The following NOP2 variants were observed in gnomAD, a reference collection of about 807,000 sequenced individuals.
NOP2 encodes NOP2 nucleolar protein.
A neutral mutation model predicts 72.7 loss-of-function variants in NOP2; 7 were observed. The ratio of observed to expected loss-of-function variants is 0.10; its 90% CI spans 0.05 to 0.18. The LOEUF is 0.18. Ranked by LOEUF, NOP2 falls within the 10% of genes least tolerant of loss-of-function variation. The pLI is 1.00. For missense variants in NOP2, 954 were observed against 1,014.7 expected (o/e 0.94, Z 0.81); for synonymous variants, 387 against 388.0 (o/e 1.00, Z 0.03).
rs1392504409 is a variant in NOP2, at chr12:6,561,887, T to C, written c.1063A>G (p.Ile355Val). Reference sequence around the variant, plus strand: ...CTCTTGGGTGGGGGAGACTTACCAATGGGCACAGAAGAATCATACACCACT... The same window carrying C: ...CTCTTGGGTGGGGGAGACTTACCAACGGGCACAGAAGAATCATACACCACT... ...GLVVYDSSVP[I>V]GATPEYLAGH... is the part of the protein sequence containing the mutation. Residue 355 changes from isoleucine (I) to valine (V), a missense_variant, in exon 10 of 16, where the codon ATT (isoleucine) becomes GTT (valine). Ile to Val is a conservative substitution (Grantham distance 29). Coordinates refer to ENST00000322166, the MANE Select transcript of NOP2 (RefSeq NM_001258308.2). 5.6e-6 allele frequency: 9 copies of C among 1,610,834 alleles called. No individual in the cohort carries two copies. Among genetic ancestry groups the C allele is most frequent in the Non-Finnish European group, 6.8e-6 (8 of 1,178,712 alleles).
At position 6,566,203 on chromosome 12, in the gene NOP2, A is replaced by C. The variant is rs1947775403; in HGVS notation, c.372T>G (p.Gly124=). 3 of 1,613,962 alleles carry C rather than the reference A, an allele frequency of 1.9e-6. No homozygotes were observed. The highest frequency in any genetic ancestry group is 2.5e-6 in the Non-Finnish European group (3 of 1,179,866). The change falls in exon 5 of 16, where the codon GGT becomes GGG. Residue 124 remains glycine (G), a synonymous_variant. Transcript: ENST00000322166. The stretch of plus-strand genomic sequence containing the variant: ...CCCAGAGGTCCCCGTGGTTCACCAT[A>C]CCATCTTCTTCAGAGTCTTCCTCCT... ...EEEEEDSEED[G]MVNHGDLWGS...
In NOP2 at chr12:6,563,367, G is replaced by A. The variant is rs374821153; in HGVS notation, c.836C>T (p.Ser279Phe). Residue 279 changes from serine to phenylalanine, a missense_variant, in exon 8 of 16, where the codon TCC becomes TTC. Ser to Phe is a radical substitution (Grantham distance 155, BLOSUM62 -2). Transcript: ENST00000322166. The part of the protein sequence containing the change: ...RLKKDLAIYY[S>F]YGDFLLGKLM... ...CTTGCCAAGCAGGAAGTCTCCATAG[G>A]AGTAGTAAATGGCCAGATCCTTCTT... 24 of 1,603,944 alleles carry A rather than the reference G, an allele frequency of 1.5e-5. No individual in the cohort carries two copies. The Admixed American group carries it at 1.9e-4, about 13-fold the overall frequency.
chr12:6,559,397 G>T (rs1188805670), intron 15 of NOP2, among the ~76,000 whole-genome samples: 1 of 152,184 alleles, frequency 6.6e-6, no homozygotes, highest in East Asian at 1.9e-4. Context: ...GGGATTACAG[G>T]CGTGAGCCAC....
Position 6,556,924 on chromosome 12 carries a change from A to G in NOP2, c.*69T>C. On this transcript the variant is annotated 3_prime_UTR_variant, in exon 16 of 16. Coordinates refer to ENST00000322166, the MANE Select transcript of NOP2 (RefSeq NM_001258308.2). ...CATGGGTATGCACAGTAGAGAAGGC[A>G]TCCTCACAGAGGCAAGAGTTCCAAC... 6.4e-7 allele frequency: 1 copy of G among 1,563,642 alleles called. No individual in the cohort carries two copies. Among genetic ancestry groups the G allele is most frequent in the South Asian group, 1.1e-5 (1 of 88,472 alleles).
In NOP2 at chr12:6,561,062, T is replaced by A. The variant is rs779966500; in HGVS notation, c.1216A>T (p.Met406Leu). ...GGKTSYMAQL[M>L]KNTGVILAND... ...GCAAGGATCACACCCGTGTTCTTCATCAGCTGGGCTAAAGAGAGGGCAGTA... is the reference window on the plus strand; with the variant it reads ...GCAAGGATCACACCCGTGTTCTTCAACAGCTGGGCTAAAGAGAGGGCAGTA... The change falls in exon 12 of 16, where the codon ATG becomes TTG. Residue 406 changes from methionine to leucine, a missense_variant. This residue lies in a region of NOP2 where 187 missense variants were observed against 276.2 expected (regional missense o/e 0.68). Transcript: ENST00000322166. The A allele has an allele frequency of 6.2e-7, 1 of 1,613,976 alleles. No homozygotes were observed. The highest frequency in any genetic ancestry group is 8.5e-7 in the Non-Finnish European group (1 of 1,179,876).
intron 15 of NOP2, among the ~76,000 whole-genome samples, chr12:6,559,466 G>A (rs1448557045): frequency 6.6e-6 from 1 of 152,088 alleles, no homozygotes; most frequent in Non-Finnish European, 1.5e-5. Flanking sequence ...GTTTCACCGT[G>A]TCGAATTCCT....
At chr12:6,562,176 G>A (rs1947669885) in intron 9 of NOP2, among the ~76,000 whole-genome samples, 1 of 151,874 alleles carries the variant, frequency 6.6e-6, no homozygotes, top group Admixed American at 6.6e-5. Flanking sequence ...TTTTTCATAG[G>A]ATGGGGTTTC....
At position 6,557,511 on chromosome 12, in the gene NOP2, G is replaced by A. The variant is rs1299807141; in HGVS notation, c.1921C>T (p.His641Tyr). The part of the protein sequence containing the change: ...KTKQQLQKQQ[H>Y]PKKASFQKLN... The stretch of plus-strand genomic sequence containing the variant: ...TTCTGGAAGGAGGCCTTCTTGGGAT[G>A]TTGCTGTTTCTGCAGCTGCTGCTTT... The change falls in exon 16 of 16, where the codon CAT becomes TAT. Residue 641 changes from histidine to tyrosine, a missense_variant. By Grantham distance (83) the His-to-Tyr change is moderately conservative (BLOSUM62 2). Coordinates refer to ENST00000322166, the MANE Select transcript of NOP2 (RefSeq NM_001258308.2). 6 of 1,613,834 alleles carry A rather than the reference G, an allele frequency of 3.7e-6. No individual in the cohort carries two copies. The highest frequency in any genetic ancestry group is 3.4e-6 in the Non-Finnish European group (4 of 1,179,888).
intron 5 of NOP2, 153 bp from the exon 6 acceptor site, chr12:6,564,099 G>GC (rs1947717578): frequency 6.6e-7 from 1 of 1,516,168 alleles, no homozygotes; most frequent in Non-Finnish European, 8.8e-7. Flanking sequence ...TAAGATGGGC[G>GC]CAGCATTGCT....
chr12:6,560,608 G>C lies in NOP2; in HGVS notation c.1438-39C>G, dbSNP rs754553391. The C allele has an allele frequency of 6.2e-7, 1 of 1,603,846 alleles. No individual in the cohort carries two copies. The highest frequency in any genetic ancestry group is 1.3e-5 in the African/African-American group (1 of 74,576). ...AGACCCAAAGGCAGCCTCAGGAGGAGAGGGGAGCCCAGAGGGTGTCCCCAT... is the reference window on the plus strand; with the variant it reads ...AGACCCAAAGGCAGCCTCAGGAGGACAGGGGAGCCCAGAGGGTGTCCCCAT... On this transcript the variant is annotated intron_variant, in intron 13 of 15. Coordinates refer to ENST00000322166, the MANE Select transcript of NOP2 (RefSeq NM_001258308.2). The surrounding 1 kb of genome is among the most constrained non-coding windows in gnomAD (Gnocchi z 5.0).
intron 2 of NOP2, 63 bp downstream of exon 2, chr12:6,567,753 A>T: frequency 8.1e-7 from 1 of 1,240,444 alleles, no homozygotes; most frequent in Non-Finnish European, 1.2e-6. Context: ...TAAAAAAGAG[A>T]AGAGGTTATA....
At chr12:6,566,718 T>C in intron 3 of NOP2, 59 bp downstream of exon 3, 1 of 1,595,266 alleles carries the variant, frequency 6.3e-7, no homozygotes, top group Non-Finnish European at 8.6e-7. Context: ...GAATTAACTC[T>C]GTGGTCAAAG....
At chr12:6,566,930 C>A in intron 2 of NOP2, 108 bp from the exon 3 acceptor site, 1 of 852,488 alleles carries the variant, frequency 1.2e-6, no homozygotes. Context: ...TAAAAGGAGT[C>A]CATTTAAATC....
At chr12:6,564,135 C>T (rs1469846354) in intron 5 of NOP2, 189 bp from the exon 6 acceptor site, 1 of 1,474,050 alleles carries the variant, frequency 6.8e-7, no homozygotes, top group Non-Finnish European at 9.0e-7. Flanking sequence ...GTAATGAGGG[C>T]ATGGTGGCAC....
In NOP2 at chr12:6,563,966, AT is replaced by A; in HGVS notation, c.475-21del. The stretch of plus-strand genomic sequence containing the variant: ...CAGCAACTGAAGAGAGACAAGGGCT[AT>A]TAATACAGGCCTGCCCTTCCATCAG... On this transcript the variant is annotated intron_variant, in intron 5 of 15. Coordinates refer to ENST00000322166, the MANE Select transcript of NOP2 (RefSeq NM_001258308.2). 6.2e-7 allele frequency: 1 copy of A among 1,611,338 alleles called. No individual in the cohort carries two copies. Among genetic ancestry groups the A allele is most frequent in the Non-Finnish European group, 8.5e-7 (1 of 1,178,746 alleles).
Position 6,560,932 on chromosome 12 carries a change from T to A in NOP2, c.1346A>T (p.Lys449Met). The A allele has an allele frequency of 6.2e-7, 1 of 1,613,844 alleles. No individual in the cohort carries two copies. The highest frequency in any genetic ancestry group is 8.5e-7 in the Non-Finnish European group (1 of 1,179,822). ...ISHYDGRQFP[K>M]VVGGFDRVLL... ...GAAGACACACAGCTCGAGTCTCACC[T>A]TGGGGAACTGGCGCCCATCATAGTG... The change falls in exon 12 of 16, where the codon AAG (lysine) becomes ATG (methionine). Residue 449 changes from lysine (K) to methionine (M), a missense_variant and splice_region_variant. By Grantham distance (95) the Lys-to-Met change is moderately conservative. Transcript: ENST00000322166. This position sits in a 1 kb window ranked among gnomAD's most constrained non-coding sequence, Gnocchi z 5.0.
chr12:6,562,832 G>C (rs1374103051), intron 9 of NOP2, among the ~76,000 whole-genome samples: 4 of 152,040 alleles, frequency 2.6e-5, no homozygotes, highest in African/African-American at 9.7e-5. Flanking sequence ...ATTTCCTTGG[G>C]GGCAGCACGC....
chr12:6,567,837 G>C lies in NOP2; in HGVS notation c.82C>G (p.Leu28Val). ...TTACCTGCAGGCAAGAATCTGACGA[G>C]TTCTGTCTCGGCACCCTTCTGCTTC... is the stretch of plus-strand genomic sequence containing the variant. ...ARKQKGAETE[L>V]VRFLPAVSDE... Residue 28 changes from leucine (L) to valine (V), a missense_variant, in exon 2 of 16, where the codon CTC (leucine) becomes GTC (valine). This residue lies in a region of NOP2 where 498 missense variants were observed against 478.3 expected (regional missense o/e 1.04). Transcript: ENST00000322166. 1 of 1,614,028 alleles carries C rather than the reference G, an allele frequency of 6.2e-7. No homozygotes were observed. Among genetic ancestry groups the C allele is most frequent in the African/African-American group, 1.3e-5 (1 of 75,070 alleles).
At chr12:6,564,873 G>C (rs182707327) in intron 5 of NOP2, among the ~76,000 whole-genome samples, 2 of 151,730 alleles carry the variant, frequency 1.3e-5, no homozygotes, top group African/African-American at 2.4e-5. Flanking sequence ...TCATATGCAT[G>C]AACCATAACT....
Sources: gnomAD v4.1 joint callset for allele counts (sites outside exome capture counted in the v4.1 genomes callset) on GRCh38, gnomAD v4.1.1 for gene constraint, gnomAD v4.1.1 regional missense constraint, Gnocchi (gnomAD v3.1) non-coding constraint, MANE v1.5 for transcripts, NCBI Gene and HGNC (gene_info 2026-07-23, HGNC 2026-07-21) for gene names.